Variants in ZMYND8 observed in about 807,000 individuals in gnomAD.
ZMYND8 encodes the protein zinc finger MYND-type containing 8.
In ZMYND8, 37 loss-of-function variants were observed where a neutral mutation model predicts 140.8. The ratio of observed to expected loss-of-function variants is 0.26; its 90% confidence interval spans 0.20 to 0.35. ZMYND8 has a LOEUF of 0.35. Ranked by LOEUF, ZMYND8 falls within the 10% of genes least tolerant of loss-of-function variation. The probability of loss-of-function intolerance (pLI) is 1.00; values close to 1 mark genes in which losing one functional copy is unlikely to be tolerated. For missense variants in ZMYND8, 1,068 were observed against 1,570.0 expected (o/e 0.68, Z 5.40); for synonymous variants, 592 against 597.1 (o/e 0.99, Z 0.12).
Position 47,219,055 on chromosome 20 carries a change from A to ATTTTTTTTTTTTTTTTTT in ZMYND8, c.3484+1185_3484+1202dup, listed in dbSNP as rs3092175. Among the ~76,000 whole-genome samples the ATTTTTTTTTTTTTTTTTT allele has an allele frequency of 2.6e-3, 290 of 110,878 alleles. 12 individuals carry two copies. Among genetic ancestry groups the ATTTTTTTTTTTTTTTTTT allele is most frequent in the East Asian group, 9.0e-3 (32 of 3,566 alleles). The allele number at this position is 110,878 out of a possible 152,430, so 72.7% of individuals were successfully genotyped here. ...AACATGGCAAAACCCCGTTTCTACA[A>ATTTTTTTTTTTTTTTTTT]TTTTTTTTTTTTTTTTTTTTGAGAG... On this transcript the variant is annotated intron_variant, in intron 21 of 22. Coordinates refer to ENST00000471951, the MANE Select transcript of ZMYND8 (RefSeq NM_001281775.3).
intron 11 of ZMYND8, among the ~76,000 whole-genome samples, chr20:47,272,307 G>A (rs2076002178): frequency 6.6e-6 from 1 of 152,010 alleles, no homozygotes; most frequent in South Asian, 2.1e-4. Flanking sequence ...TCAATCTCCT[G>A]ACCTCGTGAT....
intron 15 of ZMYND8, among the ~76,000 whole-genome samples, chr20:47,236,885 A>C (rs981158215): frequency 2.0e-5 from 3 of 152,128 alleles, no homozygotes; most frequent in African/African-American, 7.2e-5. Flanking sequence ...TAGGGGCCCA[A>C]CTTCATGAAG....
chr20:47,255,689 GTA>G (rs367757125), intron 12 of ZMYND8, among the ~76,000 whole-genome samples: 11,779 of 102,830 alleles, frequency 0.11, 1,159 homozygotes, highest in South Asian at 0.3. Context: ...GTGTGTGTGT[GTA>G]TATATATATA....
chr20:47,279,496 A>G (rs1292552207), intron 10 of ZMYND8, among the ~76,000 whole-genome samples: 1 of 146,186 alleles, frequency 6.8e-6, no homozygotes, highest in Admixed American at 6.9e-5. Flanking sequence ...CTCTTAAATA[A>G]ATAAATAAAT....
intron 12 of ZMYND8, among the ~76,000 whole-genome samples, chr20:47,256,390 C>T (rs1007661671): frequency 3.3e-5 from 5 of 152,080 alleles, no homozygotes; most frequent in Non-Finnish European, 5.9e-5. Context: ...GAGGCCGAGG[C>T]GAGTGGATCA....
At chr20:47,271,916 C>T (rs1462186728) in intron 11 of ZMYND8, among the ~76,000 whole-genome samples, 2 of 151,494 alleles carry the variant, frequency 1.3e-5, no homozygotes, top group Non-Finnish European at 2.9e-5. Flanking sequence ...CTCCTGACCT[C>T]AAGTGATCCG....
At chr20:47,254,580 A>G (rs2074442464) in intron 12 of ZMYND8, among the ~76,000 whole-genome samples, 1 of 152,370 alleles carries the variant, frequency 6.6e-6, no homozygotes, top group Non-Finnish European at 1.5e-5. Context: ...TGTTTCATGA[A>G]AAAGCAAAGA....
At chr20:47,259,193 CA>C (rs1408385897) in intron 12 of ZMYND8, among the ~76,000 whole-genome samples, 1 of 152,182 alleles carries the variant, frequency 6.6e-6, no homozygotes, top group African/African-American at 2.4e-5. Context: ...CTCCAAACAG[CA>C]TTTCTTTTCA....
intron 10 of ZMYND8, among the ~76,000 whole-genome samples, chr20:47,280,343 C>A (rs1161046283): frequency 1.3e-5 from 2 of 152,104 alleles, no homozygotes; most frequent in African/African-American, 4.8e-5. Context: ...CAGACCCATG[C>A]TGCTTTCTTT....
intron 16 of ZMYND8, among the ~76,000 whole-genome samples, chr20:47,231,557 GT>G (rs1343563872): frequency 6.6e-6 from 1 of 152,220 alleles, no homozygotes; most frequent in African/African-American, 2.4e-5. Flanking sequence ...AGAAATTCAT[GT>G]AAGTATGCAA....
intron 8 of ZMYND8, among the ~76,000 whole-genome samples, chr20:47,285,530 CA>C (rs2076868525): frequency 6.6e-6 from 1 of 152,138 alleles, no homozygotes; most frequent in African/African-American, 2.4e-5. Context: ...ATCGTTGGGG[CA>C]GGGGGGCACA....
intron 2 of ZMYND8, among the ~76,000 whole-genome samples, chr20:47,323,822 C>G (rs2080167097): frequency 6.6e-6 from 1 of 152,168 alleles, no homozygotes; most frequent in Non-Finnish European, 1.5e-5. Flanking sequence ...GAGAGCTGGT[C>G]CTGGCTCACA....
At chr20:47,300,038 G>C (rs895916043) in intron 3 of ZMYND8, among the ~76,000 whole-genome samples, 1 of 152,118 alleles carries the variant, frequency 6.6e-6, no homozygotes, top group Non-Finnish European at 1.5e-5. Context: ...AGATGAGATG[G>C]GTGGCCAACT....
intron 13 of ZMYND8, among the ~76,000 whole-genome samples, chr20:47,249,011 C>T (rs2073955726): frequency 6.6e-6 from 1 of 152,176 alleles, no homozygotes; most frequent in African/African-American, 2.4e-5. Context: ...GATCCTCATT[C>T]TGCTTGCAAA....
At chr20:47,352,416 C>T in intron 1 of ZMYND8, 1 of 977,184 alleles carries the variant, frequency 1.0e-6, no homozygotes, top group Non-Finnish European at 1.2e-6. Context: ...CAAGGAAAGA[C>T]AATCCGAGTC....
In ZMYND8 at chr20:47,220,269, T is replaced by G; in HGVS notation, c.3473A>C (p.Asn1158Thr). 1 of 1,562,980 alleles carries G rather than the reference T, an allele frequency of 6.4e-7. No homozygotes were observed. The highest frequency in any genetic ancestry group is 8.7e-7 in the Non-Finnish European group (1 of 1,152,698). ...AGGGGGCAACATACCAGAGCCTTGG[T>G]TGGAGCCTAAGAGAATGGAGGAGGG... Reference protein sequence around the residue: ...ETPSSILLGSNQGSVSKRCDK... With the variant: ...ETPSSILLGSTQGSVSKRCDK... Residue 1158 changes from asparagine (N) to threonine (T), a missense_variant, in exon 21 of 23, where the codon AAC becomes ACC. Coordinates refer to ENST00000471951, the MANE Select transcript of ZMYND8 (RefSeq NM_001281775.3).
intron 1 of ZMYND8, among the ~76,000 whole-genome samples, chr20:47,355,033 C>A: frequency 6.6e-6 from 1 of 152,046 alleles, no homozygotes; most frequent in East Asian, 1.9e-4. Flanking sequence ...CACCACCCCC[C>A]CAACACACAC....
intron 10 of ZMYND8, 41 bp from the exon 11 acceptor site, chr20:47,276,836 G>A: frequency 1.4e-6 from 2 of 1,455,484 alleles, no homozygotes; most frequent in African/African-American, 1.4e-5. Flanking sequence ...GTCAACTTCA[G>A]TAATTTCCAA....
At chr20:47,258,325 C>T (rs2074908976) in intron 12 of ZMYND8, among the ~76,000 whole-genome samples, 1 of 152,242 alleles carries the variant, frequency 6.6e-6, no homozygotes, top group African/African-American at 2.4e-5. Context: ...GGGTAGGTAA[C>T]TTGCTTCTCT....
Sources: allele counts gnomAD v4.1 joint callset (sites outside exome capture counted in the v4.1 genomes callset), GRCh38; gene constraint gnomAD v4.1.1; transcripts MANE v1.5; gene names NCBI Gene and HGNC (gene_info 2026-07-23, HGNC 2026-07-21).